The following SERP2 variants were observed in gnomAD, a reference collection of about 807,000 sequenced individuals.
The protein encoded by SERP2 is stress-associated endoplasmic reticulum protein 2.
SERP2 carries 6 observed loss-of-function variants against 9.1 expected under a neutral mutation model. That is an observed-to-expected ratio of 0.66 (90% CI 0.36 to 1.30). SERP2 has a LOEUF of 1.30. SERP2 is among the 50% of genes most tolerant of loss of function. SERP2 has a pLI of 0.03. For missense variants in SERP2, 58 were observed against 81.9 expected (o/e 0.71, Z 1.13); for synonymous variants, 37 against 27.3 (o/e 1.35, Z -1.10).
At chr13:44,393,877 C>A (rs1297401719) in intron 2 of SERP2, among the ~76,000 whole-genome samples, 3 of 152,136 alleles carry the variant, frequency 2.0e-5, no homozygotes, top group Non-Finnish European at 4.4e-5. Flanking sequence ...ATAATAAACA[C>A]AGTCATCTCT....
Position 44,373,861 on chromosome 13 carries a change from T to C in SERP2, c.-165T>C, listed in dbSNP as rs548267501. 283 of 566,718 alleles carry C rather than the reference T, an allele frequency of 5.0e-4. 1 individual carries two copies. The highest frequency in any genetic ancestry group is 4.1e-3 in the African/African-American group (203 of 49,498). 35.1% of individuals were successfully genotyped at this position (566,718 alleles called of 1,614,324 possible). A position where few individuals can be genotyped will look rare whatever the true frequency, so the allele number is the denominator to read the frequency against. ...GCTGCGGCCTCTCTCTGGAGTCGGC[T>C]AGCCGGGGCTCGGGGAGCGGGGTGC... is the stretch of plus-strand genomic sequence containing the variant. On this transcript the variant is annotated 5_prime_UTR_variant, in exon 1 of 3. Coordinates refer to ENST00000379179, the MANE Select transcript of SERP2 (RefSeq NM_001010897.3). The surrounding 1 kb of genome is among the most constrained non-coding windows in gnomAD (Gnocchi z 4.8).
chr13:44,387,561 T>C (rs1595054034), intron 2 of SERP2, among the ~76,000 whole-genome samples: 1 of 152,232 alleles, frequency 6.6e-6, no homozygotes, highest in Admixed American at 6.5e-5. Flanking sequence ...ATGCTACCTG[T>C]TTGGATAATT....
intron 2 of SERP2, among the ~76,000 whole-genome samples, chr13:44,382,982 G>T (rs1872089837): frequency 6.6e-6 from 1 of 152,202 alleles, no homozygotes; most frequent in Non-Finnish European, 1.5e-5. Flanking sequence ...AAGTTTCCAA[G>T]GGGAGGTGCT....
rs1259517073 is a variant in SERP2, at chr13:44,397,537, T to C, written c.*225T>C. The C allele has an allele frequency of 1.7e-6, 1 of 578,228 alleles. No individual in the cohort carries two copies. The highest frequency in any genetic ancestry group is 3.1e-6 in the Non-Finnish European group (1 of 323,808). The allele number at this position is 578,228 out of a possible 1,614,324, so 35.8% of individuals were successfully genotyped here. ...GCGGAAAGGACATTTTGCTTTTCTG[T>C]TGGCAGGATTAGTAGCCACGCGGGT... is the stretch of plus-strand genomic sequence containing the variant. On this transcript the variant is annotated 3_prime_UTR_variant, in exon 3 of 3. Coordinates refer to ENST00000379179, the MANE Select transcript of SERP2 (RefSeq NM_001010897.3).
At chr13:44,393,173 C>T (rs761050297) in intron 2 of SERP2, among the ~76,000 whole-genome samples, 66 of 152,006 alleles carry the variant, frequency 4.3e-4, no homozygotes, top group Admixed American at 7.9e-4. Flanking sequence ...GGGAAGAGAG[C>T]AGAAGATAAA....
At chr13:44,376,589 A>T (rs1871664260) in intron 1 of SERP2, among the ~76,000 whole-genome samples, 1 of 152,130 alleles carries the variant, frequency 6.6e-6, no homozygotes, top group Admixed American at 6.5e-5. Flanking sequence ...AGCCTGGCCA[A>T]CATGGCACAA....
intron 1 of SERP2, among the ~76,000 whole-genome samples, chr13:44,376,068 A>G (rs968804226): frequency 3.3e-5 from 5 of 152,236 alleles, no homozygotes; most frequent in South Asian, 2.1e-4. Flanking sequence ...CCTTGCACCT[A>G]TAAGAGTTTT....
At chr13:44,392,872 A>G (rs952394070) in intron 2 of SERP2, among the ~76,000 whole-genome samples, 14 of 152,298 alleles carry the variant, frequency 9.2e-5, no homozygotes, top group Admixed American at 2.6e-4. Flanking sequence ...CTAAGAAGAA[A>G]GAACGTAAGG....
chr13:44,387,807 C>T (rs2138790585), intron 2 of SERP2, among the ~76,000 whole-genome samples: 1 of 152,338 alleles, frequency 6.6e-6, no homozygotes, highest in African/African-American at 2.4e-5. Flanking sequence ...CTCTTAAATA[C>T]CAGCCATGCC....
intron 1 of SERP2, among the ~76,000 whole-genome samples, chr13:44,376,355 T>G (rs1871647271): frequency 6.6e-6 from 1 of 152,250 alleles, no homozygotes; most frequent in Non-Finnish European, 1.5e-5. Flanking sequence ...AGATTCCAAC[T>G]GAAAATTCAG....
In SERP2 at chr13:44,397,445, C is replaced by G. The variant is rs369534124; in HGVS notation, c.*133C>G. ...AACGCTCCCCCACTTGTTCCCTGAT[C>G]ACTTCATCGTGGATGTCAGACCAAA... On this transcript the variant is annotated 3_prime_UTR_variant, in exon 3 of 3. Transcript: ENST00000379179. 1.4e-6 allele frequency: 1 copy of G among 709,596 alleles called. No homozygotes were observed. Among genetic ancestry groups the G allele is most frequent in the East Asian group, 2.7e-5 (1 of 37,596 alleles). The allele number at this position is 709,596 out of a possible 1,614,324, so 44.0% of individuals were successfully genotyped here. A position where few individuals can be genotyped will look rare whatever the true frequency, so the allele number is the denominator to read the frequency against.
At chr13:44,392,773 G>C (rs1226990270) in intron 2 of SERP2, among the ~76,000 whole-genome samples, 1 of 152,140 alleles carries the variant, frequency 6.6e-6, no homozygotes, top group Non-Finnish European at 1.5e-5. Context: ...AAGGTGTGCT[G>C]GAGCTCAGAG....
intron 2 of SERP2, among the ~76,000 whole-genome samples, chr13:44,394,540 CT>C (rs1449602121): frequency 1.3e-5 from 2 of 152,222 alleles, no homozygotes; most frequent in African/African-American, 4.8e-5. Flanking sequence ...GCTACATGGA[CT>C]AAGACACAGA....
chr13:44,385,431 C>T (rs189694855), intron 2 of SERP2, among the ~76,000 whole-genome samples: 179 of 152,332 alleles, frequency 1.2e-3, no homozygotes, highest in African/African-American at 4.1e-3. Flanking sequence ...TGCCCCACGC[C>T]CCCCAGATCT....
chr13:44,386,670 A>C (rs1181586511), intron 2 of SERP2, among the ~76,000 whole-genome samples: 1 of 152,262 alleles, frequency 6.6e-6, no homozygotes. Flanking sequence ...GGCGTGAGCC[A>C]CCACACCCAG....
chr13:44,396,779 C>T (rs1445795452), intron 2 of SERP2, among the ~76,000 whole-genome samples: 1 of 152,220 alleles, frequency 6.6e-6, no homozygotes, highest in Non-Finnish European at 1.5e-5. Context: ...AAGATACTCA[C>T]GCATGGAGGG....
At chr13:44,393,161 G>C (rs557455024) in intron 2 of SERP2, among the ~76,000 whole-genome samples, 22 of 152,278 alleles carry the variant, frequency 1.4e-4, no homozygotes, top group African/African-American at 5.1e-4. Context: ...ATATTCAATG[G>C]AGGGAAGAGA....
intron 2 of SERP2, among the ~76,000 whole-genome samples, chr13:44,382,792 G>A (rs1444626756): frequency 6.6e-6 from 1 of 152,172 alleles, no homozygotes; most frequent in African/African-American, 2.4e-5. Context: ...TCTGTGCCTG[G>A]CACTGTGCCG....
At chr13:44,395,931 G>A in intron 2 of SERP2, 1 of 445,858 alleles carries the variant, frequency 2.2e-6, no homozygotes, top group Admixed American at 2.4e-5. Context: ...CAGAAGTGCA[G>A]CTGACCAGAA....
Sources: gnomAD v4.1 joint callset for allele counts (sites outside exome capture counted in the v4.1 genomes callset) on GRCh38, gnomAD v4.1.1 for gene constraint, Gnocchi (gnomAD v3.1) non-coding constraint, MANE v1.5 for transcripts, NCBI Gene and HGNC (gene_info 2026-07-23, HGNC 2026-07-21) for gene names.